The following C12orf56 variants were observed in gnomAD, a reference collection of about 807,000 sequenced individuals.
C12orf56 encodes the protein chromosome 12 open reading frame 56.
C12orf56 carries 71 observed loss-of-function variants against 69.9 expected under a neutral mutation model. That is an observed-to-expected ratio of 1.02 (90% confidence interval 0.84 to 1.24). C12orf56 has a LOEUF of 1.24. Among genes scored for constraint, C12orf56 ranks in the 50% most tolerant of loss-of-function variants. The pLI, the probability that C12orf56 is intolerant of heterozygous loss-of-function variation, is 0.00. For synonymous variants in C12orf56, 276 were observed against 274.1 expected (o/e 1.01, Z -0.07); for missense variants, 732 against 738.5 (o/e 0.99, Z 0.10).
intron 3 of C12orf56, among the ~76,000 whole-genome samples, chr12:64,319,721 C>T (rs2038745893): frequency 6.6e-6 from 1 of 152,180 alleles, no homozygotes; most frequent in Non-Finnish European, 1.5e-5. Context: ...GTAAAGAGAG[C>T]TCATTAAAAT....
At chr12:64,317,364 T>C (rs1365679383) in intron 4 of C12orf56, among the ~76,000 whole-genome samples, 1 of 152,162 alleles carries the variant, frequency 6.6e-6, no homozygotes, top group Non-Finnish European at 1.5e-5. Flanking sequence ...ATTACTCTTT[T>C]AATAATTACT....
chr12:64,359,341 A>T (rs11615672), intron 1 of C12orf56, among the ~76,000 whole-genome samples: 42,810 of 152,010 alleles, frequency 0.28, 6,280 homozygotes, highest in Middle Eastern at 0.47. Flanking sequence ...TTCCTTACAA[A>T]GGCTCCCATG....
At position 64,266,444 on chromosome 12, in the gene C12orf56, T is replaced by C; in HGVS notation, c.*739A>G. On this transcript the variant is annotated 3_prime_UTR_variant, in exon 13 of 13. Transcript: ENST00000543942. ...CCTTGGTGGTTTCTGGTGCAGGAAC[T>C]GAGAGACCCTTTGGTGTTCTACCTG... The C allele has an allele frequency of 3.9e-6, 1 of 258,590 alleles. No homozygotes were observed. The highest frequency in any genetic ancestry group is 8.3e-6 in the Non-Finnish European group (1 of 120,708). The allele number at this position is 258,590 out of a possible 1,614,324, so 16.0% of individuals were successfully genotyped here.
At chr12:64,371,148 T>C (rs2039565144) in intron 1 of C12orf56, among the ~76,000 whole-genome samples, 1 of 152,190 alleles carries the variant, frequency 6.6e-6, no homozygotes, top group African/African-American at 2.4e-5. Flanking sequence ...ACAACTGTAA[T>C]CCGAGCACTT....
chr12:64,385,108 G>T (rs992580269), intron 1 of C12orf56, among the ~76,000 whole-genome samples: 4 of 151,172 alleles, frequency 2.6e-5, no homozygotes, highest in Non-Finnish European at 5.9e-5. Flanking sequence ...GTATTTTGAT[G>T]CACCCAAGAG....
chr12:64,373,757 G>A (rs1034610667), intron 1 of C12orf56, among the ~76,000 whole-genome samples: 15 of 152,144 alleles, frequency 9.9e-5, no homozygotes, highest in Non-Finnish European at 2.1e-4. Flanking sequence ...AAACCCAAAG[G>A]ATTGAATCTA....
chr12:64,303,794 GA>G lies in C12orf56; in HGVS notation c.969-16del, dbSNP rs769506501. 85 of 1,562,216 alleles carry G rather than the reference GA, an allele frequency of 5.4e-5. No individual in the cohort carries two copies. Among genetic ancestry groups the G allele is most frequent in the Non-Finnish European group, 7.1e-5 (83 of 1,162,762 alleles). ...TCTCCTCAGACCTACAGAAACAGAAGAAAATTTTCCACTTAAAAAAATGGTA... is the reference window on the plus strand; with the variant it reads ...TCTCCTCAGACCTACAGAAACAGAAGAAATTTTCCACTTAAAAAAATGGTA... On this transcript the variant is annotated splice_polypyrimidine_tract_variant and intron_variant, in intron 5 of 12. Coordinates refer to ENST00000543942, the MANE Select transcript of C12orf56 (RefSeq NM_001170633.2).
At chr12:64,313,658 A>G (rs1008802961) in intron 4 of C12orf56, among the ~76,000 whole-genome samples, 1 of 151,370 alleles carries the variant, frequency 6.6e-6, no homozygotes, top group Non-Finnish European at 1.5e-5. Context: ...TTTATAATAT[A>G]TATTTAATCC....
At chr12:64,370,769 T>C (rs2039560085) in intron 1 of C12orf56, among the ~76,000 whole-genome samples, 1 of 152,232 alleles carries the variant, frequency 6.6e-6, no homozygotes, top group Non-Finnish European at 1.5e-5. Context: ...TCACATTTCC[T>C]GATTTAAAAT....
chr12:64,339,664 G>C (rs1375128114), intron 2 of C12orf56, among the ~76,000 whole-genome samples: 1 of 152,134 alleles, frequency 6.6e-6, no homozygotes, highest in Non-Finnish European at 1.5e-5. Context: ...CCAGGCTCAA[G>C]TGACTCTCCC....
Position 64,312,886 on chromosome 12 carries a change from A to G in C12orf56, c.895-134T>C, listed in dbSNP as rs374287949. 4.9e-6 allele frequency: 3 copies of G among 607,242 alleles called. No homozygotes were observed. The African/African-American group carries it at 5.5e-5, about 11-fold the overall frequency. The allele number at this position is 607,242 out of a possible 1,614,324, so 37.6% of individuals were successfully genotyped here. ...ACGATTTGTTTATAAAACTCATTCT[A>G]GTGTTTAATAATACCACAGGGAATT... is the stretch of plus-strand genomic sequence containing the variant. On this transcript the variant is annotated intron_variant, in intron 4 of 12. Coordinates refer to ENST00000543942, the MANE Select transcript of C12orf56 (RefSeq NM_001170633.2).
intron 1 of C12orf56, among the ~76,000 whole-genome samples, chr12:64,368,006 C>T (rs2039521156): frequency 6.6e-6 from 1 of 151,908 alleles, no homozygotes; most frequent in Non-Finnish European, 1.5e-5. Context: ...CAGGATTTCA[C>T]CAAGTTGGCC....
chr12:64,365,803 T>C (rs1349799485), intron 1 of C12orf56, among the ~76,000 whole-genome samples: 3 of 140,808 alleles, frequency 2.1e-5, no homozygotes, highest in Admixed American at 1.5e-4. Context: ...ATATATTATG[T>C]ATAATATATA....
At chr12:64,276,449 A>G (rs12297747) in intron 9 of C12orf56, among the ~76,000 whole-genome samples, 41,860 of 152,134 alleles carry the variant, frequency 0.28, 6,499 homozygotes, top group East Asian at 0.5. Flanking sequence ...TATGGCACTA[A>G]CTTCTTAATA....
At chr12:64,336,931 C>A (rs1316920304) in intron 2 of C12orf56, among the ~76,000 whole-genome samples, 1 of 152,130 alleles carries the variant, frequency 6.6e-6, no homozygotes, top group African/African-American at 2.4e-5. Context: ...CACCTTATTT[C>A]ATGTAATATA....
chr12:64,327,248 G>C (rs2038857403), intron 3 of C12orf56, among the ~76,000 whole-genome samples: 1 of 152,176 alleles, frequency 6.6e-6, no homozygotes, highest in Admixed American at 6.5e-5. Context: ...ACAGAAAACA[G>C]ACTGAGATAC....
At chr12:64,378,579 A>AT (rs2039671922) in intron 1 of C12orf56, among the ~76,000 whole-genome samples, 1 of 152,110 alleles carries the variant, frequency 6.6e-6, no homozygotes, top group Admixed American at 6.5e-5. Context: ...GACTACAGGC[A>AT]TGTGCCAAGA....
chr12:64,278,228 C>T (rs74097981), intron 8 of C12orf56, among the ~76,000 whole-genome samples: 2,876 of 152,244 alleles, frequency 0.019, 92 homozygotes, highest in African/African-American at 0.065. Context: ...GTGTTTACTA[C>T]AGGACTTCTC....
intron 1 of C12orf56, among the ~76,000 whole-genome samples, chr12:64,371,596 C>T (rs896878549): frequency 2.0e-5 from 3 of 151,836 alleles, no homozygotes; most frequent in Non-Finnish European, 4.4e-5. Context: ...TTTGGGAGGC[C>T]GAGGCAGGTG....
Sources: gnomAD v4.1 joint callset for allele counts (sites outside exome capture counted in the v4.1 genomes callset) on GRCh38, gnomAD v4.1.1 for gene constraint, MANE v1.5 for transcripts, NCBI Gene and HGNC (gene_info 2026-07-23, HGNC 2026-07-21) for gene names.